The following INSR variants were observed in gnomAD, a reference collection of about 807,000 sequenced individuals.
INSR encodes the protein IR.
A neutral mutation model predicts 142.6 loss-of-function variants in INSR; 67 were observed. The observed-to-expected ratio is 0.47, with a 90% CI of 0.39 to 0.58. INSR has a LOEUF of 0.58. INSR is among the 20% of genes least tolerant of loss of function. The pLI, the probability that INSR is intolerant of heterozygous loss-of-function variation, is 0.00. For missense variants in INSR, 1,248 were observed against 1,833.2 expected (o/e 0.68, Z 5.83); for synonymous variants, 756 against 743.1 (o/e 1.02, Z -0.28).
At position 7,172,285 on chromosome 19, in the gene INSR, C is replaced by G. The variant is rs762359047; in HGVS notation, c.1268+5G>C. 2 of 1,613,992 alleles carry G rather than the reference C, an allele frequency of 1.2e-6. No individual in the cohort carries two copies. The highest frequency in any genetic ancestry group is 3.3e-5 in the Admixed American group (2 of 59,998). ...CAGGCCATACACACAATCAGGCCCA[C>G]GTACCCAATTTCCAAGGTCTCTCCT... On this transcript the variant is annotated splice_donor_5th_base_variant and intron_variant, in intron 5 of 21. Coordinates refer to ENST00000302850, the MANE Select transcript of INSR (RefSeq NM_000208.4).
Position 7,230,661 on chromosome 19 carries a change from G to A in INSR, c.652+36684C>T, listed in dbSNP as rs572270517. On this transcript the variant is annotated intron_variant, in intron 2 of 21. Coordinates refer to ENST00000302850, the MANE Select transcript of INSR (RefSeq NM_000208.4). ...ATCTCGACTAAAAATACAAAAATTA[G>A]CCGGGTGTGGTGGCGGGCATCTGCA... 5.9e-5 allele frequency among the ~76,000 whole-genome samples: 9 copies of A among 152,184 alleles called. No individual in the cohort carries two copies. The South Asian group carries it at 1.9e-3, about 32-fold the overall frequency.
intron 2 of INSR, among the ~76,000 whole-genome samples, chr19:7,249,992 A>AG (rs1976661375): frequency 9.6e-6 from 1 of 103,670 alleles, no homozygotes; most frequent in South Asian, 3.3e-4. Flanking sequence ...ACTCTGTCTC[A>AG]AAAAAAAATA....
rs924620821 is a variant in INSR, at chr19:7,173,683, G to A, written c.1123+900C>T. Reference sequence around the variant, plus strand: ...CGCCCAGGCTAGAGTGCAGTGGCGCGATCCCAGCTCATTGCAACCTCCACT... The same window carrying A: ...CGCCCAGGCTAGAGTGCAGTGGCGCAATCCCAGCTCATTGCAACCTCCACT... On this transcript the variant is annotated intron_variant, in intron 4 of 21. Coordinates refer to ENST00000302850, the MANE Select transcript of INSR (RefSeq NM_000208.4). Among the ~76,000 whole-genome samples the A allele has an allele frequency of 4.9e-5, 7 of 141,450 alleles. No homozygotes were observed. In the East Asian group the frequency reaches 1.1e-3, roughly 21 times the overall value. The allele number at this position is 141,450 out of a possible 152,430, so 92.8% of individuals were successfully genotyped here.
intron 2 of INSR, among the ~76,000 whole-genome samples, chr19:7,253,020 C>G (rs1976776997): frequency 6.6e-6 from 1 of 150,848 alleles, no homozygotes; most frequent in African/African-American, 2.4e-5. Flanking sequence ...GAGGCTGAGG[C>G]GGGGGAATCC....
At chr19:7,268,151 C>T (rs1463643896) in intron 1 of INSR, among the ~76,000 whole-genome samples, 1 of 152,062 alleles carries the variant, frequency 6.6e-6, no homozygotes, top group Non-Finnish European at 1.5e-5. Context: ...AAATCACCAC[C>T]TCTGAAATGA....
chr19:7,136,962 A>G (rs1412332490), intron 13 of INSR, among the ~76,000 whole-genome samples: 1 of 151,540 alleles, frequency 6.6e-6, no homozygotes, highest in Admixed American at 6.6e-5. Flanking sequence ...CCTCCCGAGT[A>G]GTTGGGATTA....
intron 2 of INSR, among the ~76,000 whole-genome samples, chr19:7,193,544 G>A (rs960123699): frequency 2.6e-5 from 4 of 151,624 alleles, no homozygotes; most frequent in African/African-American, 7.3e-5. Context: ...AGGGGCAGGA[G>A]GGGGGAGGAC....
In INSR at chr19:7,216,897, G is replaced by C. The variant is rs7252150; in HGVS notation, c.653-32260C>G. Among the ~76,000 whole-genome samples, 3 of 151,838 alleles carry C rather than the reference G, an allele frequency of 2.0e-5. No homozygotes were observed. Among genetic ancestry groups the C allele is most frequent in the Non-Finnish European group, 4.4e-5 (3 of 67,994 alleles). On this transcript the variant is annotated intron_variant, in intron 2 of 21. Transcript: ENST00000302850. The surrounding 1 kb of genome is among the most constrained non-coding windows in gnomAD (Gnocchi z 4.2). ...TGCAATCATGGCTCACTGCAGCCTC[G>C]AACTCCTGGGCTCAAGCAATCCTCC...
chr19:7,152,675 A>G, intron 10 of INSR, 51 bp downstream of exon 10: 1 of 1,479,586 alleles, frequency 6.8e-7, no homozygotes, highest in African/African-American at 1.4e-5. Flanking sequence ...ACCTTCCACC[A>G]ACACCAAGCC....
chr19:7,142,824 A>G lies in INSR; in HGVS notation c.2534T>C (p.Met845Thr), dbSNP rs779165319. 1 of 1,614,002 alleles carries G rather than the reference A, an allele frequency of 6.2e-7. No homozygotes were observed. Reference sequence around the variant, plus strand: ...CGGAGCAGCAGCCCTACCTTCAGGCATGGTCCTCGCACTGACGTAGGCTGC... The same window carrying G: ...CGGAGCAGCAGCCCTACCTTCAGGCGTGGTCCTCGCACTGACGTAGGCTGC... ...SVAAYVSART[M>T]PEAKADDIVG... Residue 845 changes from methionine to threonine, a missense_variant, in exon 12 of 22, where the codon ATG becomes ACG. Met to Thr is a moderately conservative substitution (Grantham distance 81). Around this residue, in one of 3 missense-constraint regions of INSR, gnomAD observed 1,069 missense variants for 1,654.0 expected, o/e 0.65. Coordinates refer to ENST00000302850, the MANE Select transcript of INSR (RefSeq NM_000208.4).
intron 2 of INSR, among the ~76,000 whole-genome samples, chr19:7,205,041 A>G (rs1442947101): frequency 6.6e-6 from 1 of 152,178 alleles, no homozygotes; most frequent in Admixed American, 6.5e-5. Context: ...CCGAGAAGGC[A>G]CCACTGCACT....
chr19:7,286,689 C>G (rs970187601), intron 1 of INSR, among the ~76,000 whole-genome samples: 7 of 151,788 alleles, frequency 4.6e-5, no homozygotes, highest in African/African-American at 1.7e-4. Context: ...TGCACCCCAC[C>G]ACAAGATTTT....
intron 2 of INSR, among the ~76,000 whole-genome samples, chr19:7,251,543 G>C (rs1384641766): frequency 6.6e-6 from 1 of 151,580 alleles, no homozygotes; most frequent in Admixed American, 6.6e-5. Context: ...TTACAGGCAT[G>C]AGCCACCATG....
chr19:7,164,299 G>A (rs147617212), intron 8 of INSR, among the ~76,000 whole-genome samples: 1 of 152,222 alleles, frequency 6.6e-6, no homozygotes, highest in East Asian at 1.9e-4. Flanking sequence ...AACCAAAAAT[G>A]TCTCCAGACA....
chr19:7,153,367 C>A (rs117523313), intron 9 of INSR, among the ~76,000 whole-genome samples: 109 of 1,142 alleles, frequency 0.095, 9 homozygotes, highest in East Asian at 0.22. Context: ...ACCACACACC[C>A]CACACACACC....
At position 7,125,013 on chromosome 19, in the gene INSR, T is replaced by A. The variant is rs916499481; in HGVS notation, c.3258+270A>T. 6.6e-6 allele frequency among the ~76,000 whole-genome samples: 1 copy of A among 151,954 alleles called. No homozygotes were observed. The highest frequency in any genetic ancestry group is 2.4e-5 in the African/African-American group (1 of 41,338). On this transcript the variant is annotated intron_variant, in intron 17 of 21. Coordinates refer to ENST00000302850, the MANE Select transcript of INSR (RefSeq NM_000208.4). The surrounding 1 kb of genome is among the most constrained non-coding windows in gnomAD (Gnocchi z 4.9). ...AAGATTCCAGAAAATGATGGAAGAT[T>A]CCAGAAAGTGATGAAAGATTCTGGA...
intron 2 of INSR, among the ~76,000 whole-genome samples, chr19:7,212,428 T>C (rs1471875888): frequency 6.6e-6 from 1 of 152,176 alleles, no homozygotes; most frequent in Non-Finnish European, 1.5e-5. Context: ...AGACACATGT[T>C]GAATCGAATG....
intron 2 of INSR, among the ~76,000 whole-genome samples, chr19:7,193,231 G>A (rs1160453238): frequency 3.3e-5 from 5 of 151,010 alleles, no homozygotes; most frequent in Non-Finnish European, 7.4e-5. Flanking sequence ...AGATTCTTCT[G>A]CTCATGCCTG....
intron 2 of INSR, among the ~76,000 whole-genome samples, chr19:7,196,369 T>A (rs1974748239): frequency 6.6e-6 from 1 of 152,092 alleles, no homozygotes; most frequent in Non-Finnish European, 1.5e-5. Context: ...AGAAAGGTAA[T>A]AAAACAAGTA....
Sources: gnomAD v4.1 joint callset for allele counts (sites outside exome capture counted in the v4.1 genomes callset) on GRCh38, gnomAD v4.1.1 for gene constraint, gnomAD v4.1.1 regional missense constraint, Gnocchi (gnomAD v3.1) non-coding constraint, MANE v1.5 for transcripts, NCBI Gene and HGNC (gene_info 2026-07-23, HGNC 2026-07-21) for gene names.